NUS1: variants seen among roughly 807,000 people sequenced by gnomAD.
NUS1 encodes dehydrodolichyl diphosphate synthase complex subunit NUS1.
For synonymous variants in NUS1, 135 were observed against 155.2 expected, an observed-to-expected ratio of 0.87 and a Z score of 0.97; for missense variants, 292 against 382.9, an observed-to-expected ratio of 0.76 and a Z score of 1.98.
intron 3 of NUS1, 125 bp downstream of exon 3, chr6:117,694,305 T>G (rs1773285775): frequency 4.2e-6 from 2 of 477,054 alleles, no homozygotes; most frequent in South Asian, 9.2e-5. Context: ...AGCCTGATTC[T>G]TTTGTTGTTA....
chr6:117,700,147 C>T (rs1413377391), intron 3 of NUS1, among the ~76,000 whole-genome samples: 2 of 152,096 alleles, frequency 1.3e-5, no homozygotes, highest in Non-Finnish European at 2.9e-5. Flanking sequence ...CAAATGAGAT[C>T]ACATCAAGTT....
At chr6:117,704,670 C>G (rs546758636) in intron 4 of NUS1, among the ~76,000 whole-genome samples, 2 of 152,178 alleles carry the variant, frequency 1.3e-5, no homozygotes, top group Non-Finnish European at 2.9e-5. Flanking sequence ...TACAAATTCT[C>G]TCTCTCATGA....
chr6:117,700,061 A>G (rs2114691591), intron 3 of NUS1, among the ~76,000 whole-genome samples: 1 of 152,332 alleles, frequency 6.6e-6, no homozygotes. Flanking sequence ...CTACTACAGG[A>G]AAACACTGGG....
At chr6:117,702,099 A>G (rs1773419893) in intron 3 of NUS1, among the ~76,000 whole-genome samples, 1 of 152,116 alleles carries the variant, frequency 6.6e-6, no homozygotes, top group Non-Finnish European at 1.5e-5. Context: ...CCAGTCGGCC[A>G]TGGATATGTG....
intron 4 of NUS1, 51 bp from the exon 5 acceptor site, chr6:117,706,874 A>G (rs779487716): frequency 4.2e-6 from 6 of 1,412,170 alleles, no homozygotes; most frequent in Non-Finnish European, 6.0e-6. Flanking sequence ...GTTCCCCCCT[A>G]CATTACAGTG....
At chr6:117,695,878 A>G (rs1406974601) in intron 3 of NUS1, among the ~76,000 whole-genome samples, 2 of 152,070 alleles carry the variant, frequency 1.3e-5, no homozygotes, top group East Asian at 3.9e-4. Flanking sequence ...TGTAAAATGC[A>G]TTAGTTATTC....
chr6:117,700,262 A>G (rs191580999), intron 3 of NUS1, among the ~76,000 whole-genome samples: 39 of 152,362 alleles, frequency 2.6e-4, no homozygotes, highest in African/African-American at 9.4e-4. Flanking sequence ...ATTAATAACT[A>G]GAATACATAA....
chr6:117,694,363 C>T (rs1463607980), intron 3 of NUS1, among the ~76,000 whole-genome samples, 183 bp downstream of exon 3: 4 of 152,060 alleles, frequency 2.6e-5, no homozygotes, highest in Middle Eastern at 6.8e-3. Context: ...AAAATGGTTT[C>T]GAGACAATGA....
intron 1 of NUS1, among the ~76,000 whole-genome samples, chr6:117,685,320 A>C (rs1773120939): frequency 6.6e-6 from 1 of 151,868 alleles, no homozygotes; most frequent in Admixed American, 6.6e-5. Context: ...CTTACTTTGG[A>C]AATTGAAGAT....
In NUS1 at chr6:117,706,955, T is replaced by C. The variant is rs759399174; in HGVS notation, c.822T>C (p.Tyr274=). ...VSLPSHLNIS[Y]EDFFSALRQY... ...TGCCTTCCCACCTAAACATCAGTTA[T>C]GAGGACTTTTTCTCTGCCCTTCGTC... The change falls in exon 5 of 5, where the codon TAT becomes TAC. Residue 274 remains tyrosine (Y), a synonymous_variant. Coordinates refer to ENST00000368494, the MANE Select transcript of NUS1 (RefSeq NM_138459.5). 2.7e-5 allele frequency: 44 copies of C among 1,612,868 alleles called. No individual in the cohort carries two copies. The highest frequency in any genetic ancestry group is 3.5e-5 in the Non-Finnish European group (41 of 1,179,100).
chr6:117,691,552 G>GATAGATATATATAT (rs1258674063), intron 1 of NUS1, among the ~76,000 whole-genome samples: 77 of 37,538 alleles, frequency 2.1e-3, no homozygotes, highest in African/African-American at 4.7e-3. Context: ...CTGTGCCATA[G>GATAGATATATATAT]ATATAGATAT....
chr6:117,688,139 C>A (rs970261296), intron 1 of NUS1, among the ~76,000 whole-genome samples: 2 of 152,242 alleles, frequency 1.3e-5, no homozygotes, highest in Admixed American at 6.5e-5. Context: ...AGGGGAATCA[C>A]AAGCCTAGAG....
At chr6:117,678,483 A>T (rs954665151) in intron 1 of NUS1, among the ~76,000 whole-genome samples, 9 of 152,176 alleles carry the variant, frequency 5.9e-5, no homozygotes, top group African/African-American at 1.9e-4. Flanking sequence ...AAGTGCAATG[A>T]GGAAAAGTAA....
chr6:117,691,548 C>CATAG (rs1205609960), intron 1 of NUS1, among the ~76,000 whole-genome samples: 12 of 57,140 alleles, frequency 2.1e-4, no homozygotes, highest in African/African-American at 5.7e-4. Flanking sequence ...GGTTCTGTGC[C>CATAG]ATAGATATAG....
In NUS1 at chr6:117,708,649, TTTTTG is replaced by T. The variant is rs1773533757; in HGVS notation, c.*1639_*1643del. ...CCATTATACGTTGTACGACTTTTTTTTTTTGTTTTAATTTATTACTGAGAGTTTTG... is the reference window on the plus strand; with the variant it reads ...CCATTATACGTTGTACGACTTTTTTTTTTTAATTTATTACTGAGAGTTTTG... On this transcript the variant is annotated 3_prime_UTR_variant, in exon 5 of 5. Coordinates refer to ENST00000368494, the MANE Select transcript of NUS1 (RefSeq NM_138459.5). The T allele has an allele frequency of 6.6e-6, 1 of 152,444 alleles. No homozygotes were observed. Among genetic ancestry groups the T allele is most frequent in the Non-Finnish European group, 1.5e-5 (1 of 67,960 alleles). The allele number at this position is 152,444 out of a possible 1,614,324, so 9.4% of individuals were successfully genotyped here. A position where few individuals can be genotyped will look rare whatever the true frequency, so the allele number is the denominator to read the frequency against.
intron 1 of NUS1, among the ~76,000 whole-genome samples, chr6:117,678,725 G>A (rs1199554010): frequency 7.1e-6 from 1 of 141,784 alleles, no homozygotes; most frequent in Non-Finnish European, 1.5e-5. Context: ...CTGTCACCCA[G>A]GCTGGAGTGC....
At chr6:117,688,499 A>G (rs1582468447) in intron 1 of NUS1, among the ~76,000 whole-genome samples, 1 of 151,980 alleles carries the variant, frequency 6.6e-6, no homozygotes, top group East Asian at 1.9e-4. Context: ...ACAATTTTAA[A>G]TCACCTGCTG....
intron 1 of NUS1, 128 bp from the exon 2 acceptor site, chr6:117,692,914 G>T: frequency 1.4e-6 from 1 of 712,918 alleles, no homozygotes; most frequent in East Asian, 2.8e-5. Flanking sequence ...TCTAGTTTAG[G>T]ACTAGTCATT....
chr6:117,697,244 TAAAG>T (rs1287634848), intron 3 of NUS1, among the ~76,000 whole-genome samples: 1 of 148,464 alleles, frequency 6.7e-6, no homozygotes. Context: ...AGGAAGGAAG[TAAAG>T]AAGGAAGAGA....
Sources: allele counts gnomAD v4.1 joint callset (sites outside exome capture counted in the v4.1 genomes callset), GRCh38; gene constraint gnomAD v4.1.1; transcripts MANE v1.5; gene names NCBI Gene and HGNC (gene_info 2026-07-23, HGNC 2026-07-21).